Variants in CBFA2T3 observed in about 807,000 individuals in gnomAD.
CBFA2T3 encodes transcriptional corepressor CBFA2T3.
In CBFA2T3, 31 loss-of-function variants were observed where a neutral mutation model predicts 58.6. The ratio of observed to expected loss-of-function variants is 0.53; its 90% CI spans 0.40 to 0.71. The LOEUF is 0.71. Among genes scored for constraint, CBFA2T3 ranks in the 30% least tolerant of loss-of-function variants. The probability of loss-of-function intolerance (pLI) is 0.00; values close to 1 mark genes in which losing one functional copy is unlikely to be tolerated. For synonymous variants in CBFA2T3, 531 were observed against 421.9 expected, an observed-to-expected ratio of 1.26 and a Z score of -3.17; for missense variants, 1,076 against 963.1, an observed-to-expected ratio of 1.12 and a Z score of -1.55.
intron 1 of CBFA2T3, among the ~76,000 whole-genome samples, chr16:88,966,705 C>T (rs547454319): frequency 4.8e-5 from 7 of 147,276 alleles, no homozygotes; most frequent in South Asian, 2.3e-4. Flanking sequence ...CCAACACCTG[C>T]GCTGGACAGA....
At chr16:88,890,950 G>A (rs1056250925) in intron 5 of CBFA2T3, among the ~76,000 whole-genome samples, 8 of 152,164 alleles carry the variant, frequency 5.3e-5, no homozygotes, top group African/African-American at 1.2e-4. Flanking sequence ...CTGGCCTCAA[G>A]CAATCCCCGT....
chr16:88,880,876 TG>T, intron 9 of CBFA2T3, 88 bp from the exon 10 acceptor site: 2 of 1,224,204 alleles, frequency 1.6e-6, no homozygotes, highest in Non-Finnish European at 2.3e-6. Flanking sequence ...GGGCCCTGAG[TG>T]CAGGGCGTGA....
At chr16:88,971,197 C>T (rs1372577712) in intron 1 of CBFA2T3, among the ~76,000 whole-genome samples, 1 of 152,162 alleles carries the variant, frequency 6.6e-6, no homozygotes, top group Non-Finnish European at 1.5e-5. Flanking sequence ...GCAACCTCTG[C>T]CTCCTGGGTT....
chr16:88,941,495 G>T (rs1236257825), intron 1 of CBFA2T3, among the ~76,000 whole-genome samples: 6 of 148,444 alleles, frequency 4.0e-5, no homozygotes, highest in Non-Finnish European at 7.5e-5. Flanking sequence ...CCCCGCCGCC[G>T]AGAGCCGCCC....
intron 1 of CBFA2T3, among the ~76,000 whole-genome samples, chr16:88,907,565 G>C (rs1421201864): frequency 1.3e-5 from 2 of 152,230 alleles, no homozygotes; most frequent in Admixed American, 6.5e-5. Context: ...TACGAGTGGG[G>C]AAACAGAGGC....
chr16:88,917,284 A>C (rs1970768882), intron 1 of CBFA2T3, among the ~76,000 whole-genome samples: 1 of 152,142 alleles, frequency 6.6e-6, no homozygotes, highest in Non-Finnish European at 1.5e-5. Flanking sequence ...ACCTTCCAGG[A>C]AGAGGCTGCA....
chr16:88,890,726 A>ATTCATTCG (rs1555531992), intron 5 of CBFA2T3, among the ~76,000 whole-genome samples: 9 of 151,818 alleles, frequency 5.9e-5, no homozygotes, highest in African/African-American at 1.9e-4. Context: ...TCATTCATTC[A>ATTCATTCG]TTCGTTCAGA....
At chr16:88,887,087 G>C (rs1039938037) in intron 5 of CBFA2T3, 1 of 152,246 alleles carries the variant, frequency 6.6e-6, no homozygotes. Flanking sequence ...GGCCACTTGG[G>C]AGAGCCAGCG....
At chr16:88,956,565 G>A (rs985563206) in intron 1 of CBFA2T3, among the ~76,000 whole-genome samples, 35 of 152,342 alleles carry the variant, frequency 2.3e-4, no homozygotes, top group Non-Finnish European at 4.6e-4. Flanking sequence ...GGACATGGAG[G>A]CCCAGAAAGC....
Position 88,976,793 on chromosome 16 carries a change from T to A in CBFA2T3, c.15A>T (p.Arg5Ser). ...CTGAACTGGCTGCCCTGTCCCTCAG[T>A]CTTGAAGCCGGCATGAGGAGGGCCA... MPAS[R>S]LRDRAASSAS... The change falls in exon 1 of 12, where the codon AGA becomes AGT. Residue 5 changes from arginine (R) to serine (S), a missense_variant. Physicochemically the swap from Arg to Ser is moderately radical, Grantham distance 110. Coordinates refer to ENST00000268679, the MANE Select transcript of CBFA2T3 (RefSeq NM_005187.6). 6.4e-7 allele frequency: 1 copy of A among 1,553,990 alleles called. No homozygotes were observed. The highest frequency in any genetic ancestry group is 8.7e-7 in the Non-Finnish European group (1 of 1,148,150).
intron 11 of CBFA2T3, 68 bp downstream of exon 11, chr16:88,879,201 TG>T: frequency 1.5e-6 from 2 of 1,355,082 alleles, no homozygotes; most frequent in Non-Finnish European, 1.0e-6. Flanking sequence ...AGAATCCTCA[TG>T]GGGGTGGCGT....
intron 3 of CBFA2T3, among the ~76,000 whole-genome samples, chr16:88,896,444 C>T (rs1486513971): frequency 6.6e-6 from 1 of 152,178 alleles, no homozygotes; most frequent in East Asian, 1.9e-4. Context: ...TGGGGCTTTC[C>T]CTCTTCTGGG....
chr16:88,890,118 A>G (rs1039415269), intron 5 of CBFA2T3, among the ~76,000 whole-genome samples: 4 of 152,082 alleles, frequency 2.6e-5, no homozygotes, highest in Non-Finnish European at 5.9e-5. Context: ...TCCCTGGACG[A>G]TGCCCCGCGT....
At position 88,901,064 on chromosome 16, in the gene CBFA2T3, G is replaced by T. The variant is rs542054120; in HGVS notation, c.304+440C>A. On this transcript the variant is annotated intron_variant, in intron 2 of 11. Transcript: ENST00000268679. The stretch of plus-strand genomic sequence containing the variant: ...GTCCCTCCACGGGGCCTGTACGCAG[G>T]TGACCTGCTGTATGACCCTGCGGAA... Among the ~76,000 whole-genome samples, 6 of 152,384 alleles carry T rather than the reference G, an allele frequency of 3.9e-5. No individual in the cohort carries two copies. In the South Asian group the frequency reaches 1.0e-3, roughly 26 times the overall value.
intron 1 of CBFA2T3, among the ~76,000 whole-genome samples, chr16:88,947,542 G>A (rs1971933738): frequency 6.6e-6 from 1 of 152,146 alleles, no homozygotes; most frequent in Non-Finnish European, 1.5e-5. Flanking sequence ...TTCCTGGGCT[G>A]GATTATCGTT....
At chr16:88,913,845 G>A (rs562491705) in intron 1 of CBFA2T3, among the ~76,000 whole-genome samples, 1 of 152,246 alleles carries the variant, frequency 6.6e-6, no homozygotes, top group African/African-American at 2.4e-5. Context: ...AAATCACACC[G>A]TGGCCACCTT....
At chr16:88,915,420 G>C (rs1352907174) in intron 1 of CBFA2T3, among the ~76,000 whole-genome samples, 2 of 35,916 alleles carry the variant, frequency 5.6e-5, no homozygotes, top group Admixed American at 2.6e-4. Flanking sequence ...GGGGGAGCGT[G>C]GACGGGGGCA....
chr16:88,974,633 C>G (rs1355427026), intron 1 of CBFA2T3, among the ~76,000 whole-genome samples: 1 of 152,190 alleles, frequency 6.6e-6, no homozygotes, highest in Non-Finnish European at 1.5e-5. Context: ...ACTGTTCTCC[C>G]CAGAGTTTAA....
chr16:88,882,605 C>T (rs555743044), intron 8 of CBFA2T3, 71 bp downstream of exon 8: 9 of 881,492 alleles, frequency 1.0e-5, no homozygotes, highest in Admixed American at 2.2e-5. Context: ...GCTGTGTGTG[C>T]GTGGCTGTGT....
Sources: gnomAD v4.1 joint callset for allele counts (sites outside exome capture counted in the v4.1 genomes callset) on GRCh38, gnomAD v4.1.1 for gene constraint, MANE v1.5 for transcripts, NCBI Gene and HGNC (gene_info 2026-07-23, HGNC 2026-07-21) for gene names.